The following ALDH4A1 variants were observed in gnomAD, a reference collection of about 807,000 sequenced individuals.
ALDH4A1 encodes delta-1-pyrroline-5-carboxylate dehydrogenase, mitochondrial.
ALDH4A1 carries 46 observed loss-of-function variants against 70.5 expected under a neutral mutation model. That is an observed-to-expected ratio of 0.65 (90% confidence interval 0.51 to 0.83). The LOEUF (loss-of-function observed/expected upper bound fraction) is 0.83. ALDH4A1 is among the 40% of genes least tolerant of loss of function. The pLI, the probability that ALDH4A1 is intolerant of heterozygous loss-of-function variation, is 0.00. For missense variants in ALDH4A1, 749 were observed against 766.5 expected (o/e 0.98, Z 0.27); for synonymous variants, 323 against 324.3 (o/e 1.00, Z 0.04).
At chr1:18,882,638 T>C (rs764156355) in intron 7 of ALDH4A1, 12 of 539,584 alleles carry the variant, frequency 2.2e-5, no homozygotes, top group Non-Finnish European at 4.2e-5. Context: ...TTTTGTCATC[T>C]GGCAAAGAGG....
intron 1 of ALDH4A1, among the ~76,000 whole-genome samples, chr1:18,901,930 G>GGA (rs374542874): frequency 4.0e-5 from 4 of 99,056 alleles, no homozygotes; most frequent in Admixed American, 1.2e-4. Flanking sequence ...CATTTAACTT[G>GGA]AAAAAAAAAA....
chr1:18,890,781 A>C, intron 1 of ALDH4A1: 1 of 985,458 alleles, frequency 1.0e-6, no homozygotes, highest in Non-Finnish European at 1.2e-6. Context: ...TTCTTCTCCC[A>C]CAAGGCAGGC....
Position 18,885,603 on chromosome 1 carries a change from G to A in ALDH4A1, c.323C>T (p.Ala108Val), listed in dbSNP as rs760034715. 6.2e-7 allele frequency: 1 copy of A among 1,614,048 alleles called. No individual in the cohort carries two copies. The highest frequency in any genetic ancestry group is 1.3e-5 in the African/African-American group (1 of 75,062). The change falls in exon 5 of 15, where the codon GCT (alanine) becomes GTT (valine). Residue 108 changes from alanine to valine, a missense_variant. By Grantham distance (64) the Ala-to-Val change is moderately conservative. Coordinates refer to ENST00000375341, the MANE Select transcript of ALDH4A1 (RefSeq NM_003748.4). ...CCACTCTTTCCGGGCAGCCAGGGCA[G>A]CCTCAATGGCTTTGTTGAGCAGGCT... ...DKSLLNKAIE[A>V]ALAARKEWDL...
Position 18,879,351 on chromosome 1 carries a change from G to T in ALDH4A1, c.889C>A (p.Gln297Lys). ...AACCGGTCCAGGTTCTGGGCCACCT[G>T]CTTCCACAGGTGTTTGAAGGTGCTG... The part of the protein sequence containing the change: ...SVPTFKHLWK[Q>K]VAQNLDRFHT... Residue 297 changes from glutamine (Q) to lysine (K), a missense_variant, in exon 9 of 15, where the codon CAG becomes AAG. Gln to Lys is a moderately conservative substitution (Grantham distance 53). Transcript: ENST00000375341. 6.2e-7 allele frequency: 1 copy of T among 1,611,476 alleles called. No homozygotes were observed. The highest frequency in any genetic ancestry group is 8.5e-7 in the Non-Finnish European group (1 of 1,179,008).
At chr1:18,873,490 C>A (rs930321544) in intron 14 of ALDH4A1, among the ~76,000 whole-genome samples, 1 of 152,134 alleles carries the variant, frequency 6.6e-6, no homozygotes, top group Non-Finnish European at 1.5e-5. Context: ...AGGCTTGGAA[C>A]CTTCAGCCCC....
intron 1 of ALDH4A1, chr1:18,890,718 C>T: frequency 1.0e-6 from 1 of 985,616 alleles, no homozygotes; most frequent in Non-Finnish European, 1.2e-6. Flanking sequence ...TTTAAACACA[C>T]AGATGCAAAA....
intron 1 of ALDH4A1, among the ~76,000 whole-genome samples, chr1:18,894,670 T>TGACCTCAG (rs369119773): frequency 2.0e-5 from 3 of 152,202 alleles, no homozygotes; most frequent in African/African-American, 4.8e-5. Flanking sequence ...ATGCCCACTG[T>TGACCTCAG]GACCTCAGGA....
Position 18,874,579 on chromosome 1 carries a change from T to C in ALDH4A1, c.1463A>G (p.Asp488Gly). Residue 488 changes from aspartate to glycine, a missense_variant and splice_region_variant, in exon 14 of 15, where the codon GAC becomes GGC. Coordinates refer to ENST00000375341, the MANE Select transcript of ALDH4A1 (RefSeq NM_003748.4). ...LTGAVFSQDK[D>G]VVQEATKVLR... ...CACCTTTGTGGCCTCCTGCACGACG[T>C]CCCTACAAAGCAGAGCAGTGGTGAC... The C allele has an allele frequency of 5.0e-6, 8 of 1,614,108 alleles. No individual in the cohort carries two copies. Among genetic ancestry groups the C allele is most frequent in the Non-Finnish European group, 6.8e-6 (8 of 1,179,998 alleles).
chr1:18,884,638 G>A (rs1344456501), intron 5 of ALDH4A1, among the ~76,000 whole-genome samples: 2 of 152,186 alleles, frequency 1.3e-5, no homozygotes, highest in South Asian at 2.1e-4. Flanking sequence ...GAAAAAGACC[G>A]AGAATGTCAA....
At chr1:18,900,138 ATG>A (rs1365789443) in intron 1 of ALDH4A1, among the ~76,000 whole-genome samples, 2 of 152,198 alleles carry the variant, frequency 1.3e-5, no homozygotes, top group Non-Finnish European at 2.9e-5. Context: ...CACAGTTGAC[ATG>A]TATTAAACTA....
At chr1:18,891,971 T>A (rs959630079) in intron 1 of ALDH4A1, among the ~76,000 whole-genome samples, 1 of 151,498 alleles carries the variant, frequency 6.6e-6, no homozygotes, top group African/African-American at 2.4e-5. Context: ...GAGGTTGCAG[T>A]GAGCTGAGAT....
intron 1 of ALDH4A1, chr1:18,900,940 T>C: frequency 1.0e-6 from 1 of 979,830 alleles, no homozygotes; most frequent in Non-Finnish European, 1.2e-6. Context: ...TGGGCTTATC[T>C]TTTAGAATAT....
chr1:18,879,475 T>C, intron 8 of ALDH4A1, 102 bp from the exon 9 acceptor site: 1 of 1,053,546 alleles, frequency 9.5e-7, no homozygotes, highest in Non-Finnish European at 1.4e-6. Flanking sequence ...CAGCAGGAGG[T>C]GGGAGCCAAG....
In ALDH4A1 at chr1:18,880,988, C is replaced by T. The variant is rs1934943377; in HGVS notation, c.866+712G>A. On this transcript the variant is annotated intron_variant, in intron 8 of 14. Transcript: ENST00000375341. This position sits in a 1 kb window ranked among gnomAD's most constrained non-coding sequence, Gnocchi z 5.1. ...TTATGGTCACTGAACCACTCCCTGC[C>T]GCCACCTCCAGCCTGAGAGCCGGGA... Among the ~76,000 whole-genome samples the T allele has an allele frequency of 1.3e-5, 2 of 152,102 alleles. No homozygotes were observed. The highest frequency in any genetic ancestry group is 2.9e-5 in the Non-Finnish European group (2 of 68,006).
At chr1:18,875,536 C>CGGGACCA (rs769521314) in intron 12 of ALDH4A1, 33 bp from the exon 13 acceptor site, 15 of 1,613,522 alleles carry the variant, frequency 9.3e-6, no homozygotes, top group Admixed American at 8.3e-5. Flanking sequence ...AGACCCTCCA[C>CGGGACCA]GGGACCAGGG....
chr1:18,879,782 G>A lies in ALDH4A1; in HGVS notation c.867-409C>T, dbSNP rs531515738. Among the ~76,000 whole-genome samples, 450 of 152,282 alleles carry A rather than the reference G, an allele frequency of 3.0e-3. 1 individual carries two copies. Among genetic ancestry groups the A allele is most frequent in the Non-Finnish European group, 4.9e-3 (332 of 68,008 alleles). On this transcript the variant is annotated intron_variant, in intron 8 of 14. Transcript: ENST00000375341. The stretch of plus-strand genomic sequence containing the variant: ...AGGTACCTGGCAGGGAACAGACCCC[G>A]CTGTGGTCTGCGAAGGATCCCCCCC...
chr1:18,885,454 G>T lies in ALDH4A1; in HGVS notation c.453+19C>A. 1 of 232,042 alleles carries T rather than the reference G, an allele frequency of 4.3e-6. No individual in the cohort carries two copies. The highest frequency in any genetic ancestry group is 9.7e-5 in the African/African-American group (1 of 10,306). The allele number at this position is 232,042 out of a possible 1,614,324, so 14.4% of individuals were successfully genotyped here. ...CCACCCCACCCCGCCCCACCCACCC[G>T]GGCCCACCAGCACCTCACCTGTCCC... On this transcript the variant is annotated intron_variant, in intron 5 of 14. Transcript: ENST00000375341.
At chr1:18,879,816 C>G (rs1198496673) in intron 8 of ALDH4A1, among the ~76,000 whole-genome samples, 3 of 152,182 alleles carry the variant, frequency 2.0e-5, no homozygotes, top group Admixed American at 2.0e-4. Context: ...CCAAGCCCAG[C>G]GCCCAGGCCT....
Position 18,876,424 on chromosome 1 carries a change from G to A in ALDH4A1, c.1229C>T (p.Ser410Leu), listed in dbSNP as rs538421159. 3.0e-5 allele frequency: 49 copies of A among 1,610,102 alleles called. 1 individual carries two copies. Among genetic ancestry groups the A allele is most frequent in the Middle Eastern group, 3.4e-4 (2 of 5,944 alleles). The stretch of plus-strand genomic sequence containing the variant: ...CCCGGCCAGGATGGTGAGGCTGGGT[G>A]AGGAGCGTGCGTGCTCCAGCCACTT... Reference protein sequence around the residue: ...IKKWLEHARSSPSLTILAGGK... With the variant: ...IKKWLEHARSLPSLTILAGGK... The change falls in exon 12 of 15, where the codon TCA (serine) becomes TTA (leucine). Residue 410 changes from serine (S) to leucine (L), a missense_variant. Coordinates refer to ENST00000375341, the MANE Select transcript of ALDH4A1 (RefSeq NM_003748.4).
Sources: gnomAD v4.1 joint callset for allele counts (sites outside exome capture counted in the v4.1 genomes callset) on GRCh38, gnomAD v4.1.1 for gene constraint, Gnocchi (gnomAD v3.1) non-coding constraint, MANE v1.5 for transcripts, NCBI Gene and HGNC (gene_info 2026-07-23, HGNC 2026-07-21) for gene names.